The following SHISA6 variants were observed in gnomAD, a reference collection of about 807,000 sequenced individuals.
SHISA6 encodes shisa family member 6.
A neutral mutation model predicts 47.9 loss-of-function variants in SHISA6; 22 were observed. The ratio of observed to expected loss-of-function variants is 0.46; its 90% CI spans 0.33 to 0.66. The LOEUF (loss-of-function observed/expected upper bound fraction) is 0.66, where lower values mean the gene tolerates loss of function less well. Among genes scored for constraint, SHISA6 ranks in the 30% least tolerant of loss-of-function variants. SHISA6 has a pLI of 0.02. For synonymous variants in SHISA6, 388 were observed against 337.8 expected (o/e 1.15, Z -1.63); for missense variants, 680 against 764.6 (o/e 0.89, Z 1.30).
At chr17:11,495,250 G>A (rs1023743412) in intron 3 of SHISA6, among the ~76,000 whole-genome samples, 1 of 152,214 alleles carries the variant, frequency 6.6e-6, no homozygotes, top group Non-Finnish European at 1.5e-5. Flanking sequence ...CGTAGCTGCT[G>A]TGTGACTTTG....
chr17:11,322,819 G>A (rs1006332722), intron 2 of SHISA6, among the ~76,000 whole-genome samples: 14 of 152,168 alleles, frequency 9.2e-5, no homozygotes, highest in South Asian at 4.1e-4. Flanking sequence ...CAAAAGAAAT[G>A]TGGAACTACA....
intron 2 of SHISA6, among the ~76,000 whole-genome samples, chr17:11,330,785 A>G (rs1911076894): frequency 2.2e-5 from 3 of 134,412 alleles, no homozygotes; most frequent in Non-Finnish European, 4.8e-5. Flanking sequence ...AAATTATTGT[A>G]TAGTCAGATG....
chr17:11,342,946 G>T (rs1488835021), intron 2 of SHISA6, among the ~76,000 whole-genome samples: 1 of 152,182 alleles, frequency 6.6e-6, no homozygotes, highest in East Asian at 1.9e-4. Flanking sequence ...GGGACTTCTT[G>T]TTCAAGCCTC....
intron 2 of SHISA6, among the ~76,000 whole-genome samples, chr17:11,355,798 T>A (rs1912060808): frequency 6.6e-6 from 1 of 152,148 alleles, no homozygotes; most frequent in Non-Finnish European, 1.5e-5. Flanking sequence ...GTCTGATGAG[T>A]TAGACAGAAG....
intron 3 of SHISA6, among the ~76,000 whole-genome samples, chr17:11,443,146 C>A (rs1214278664): frequency 6.6e-6 from 1 of 152,180 alleles, no homozygotes; most frequent in Non-Finnish European, 1.5e-5. Flanking sequence ...GCCTGAGAAG[C>A]CTTGTCTTCA....
At chr17:11,383,054 C>T (rs1913074432) in intron 3 of SHISA6, among the ~76,000 whole-genome samples, 1 of 151,262 alleles carries the variant, frequency 6.6e-6, no homozygotes, top group Admixed American at 6.6e-5. Flanking sequence ...TCTTCTGCCT[C>T]AGCCTCCCAA....
At chr17:11,424,862 G>T (rs1462373402) in intron 3 of SHISA6, among the ~76,000 whole-genome samples, 1 of 151,846 alleles carries the variant, frequency 6.6e-6, no homozygotes, top group Non-Finnish European at 1.5e-5. Context: ...TATTAGCCGG[G>T]CATGGGCGTG....
chr17:11,247,439 C>A lies in SHISA6; in HGVS notation c.638+5379C>A, dbSNP rs539099246. Among the ~76,000 whole-genome samples, 24 of 152,286 alleles carry A rather than the reference C, an allele frequency of 1.6e-4. 1 individual carries two copies. In the South Asian group the frequency reaches 5.0e-3, roughly 32 times the overall value. ...TGCTCCTGGCTATGGGAGGTCACCA[C>A]CCTCCTTCCCTGCTGCCCTCTCCCC... On this transcript the variant is annotated intron_variant, in intron 1 of 5. Transcript: ENST00000441885.
rs1302468984 is a variant in SHISA6 at position 11,482,807 on chromosome 17, C to T, written c.896-69089C>T. ...AGTAAGATGCAATAAGTTTTTCCTC[C>T]TGTATGTAAATAAGTCATTAGGTAC... On this transcript the variant is annotated intron_variant, in intron 3 of 5. Coordinates refer to ENST00000441885, the MANE Select transcript of SHISA6 (RefSeq NM_207386.4). 2.0e-5 allele frequency among the ~76,000 whole-genome samples: 3 copies of T among 152,070 alleles called. No individual in the cohort carries two copies. In the East Asian group the frequency reaches 5.8e-4, roughly 29 times the overall value.
intron 1 of SHISA6, among the ~76,000 whole-genome samples, chr17:11,253,405 A>G (rs8069599): frequency 0.83 from 126,308 of 152,066 alleles, 53,845 homozygotes; most frequent in South Asian, 0.92. Flanking sequence ...GACATACACC[A>G]TGGAGAAGGT....
At chr17:11,368,897 C>T (rs575080687) in intron 2 of SHISA6, among the ~76,000 whole-genome samples, 27 of 152,278 alleles carry the variant, frequency 1.8e-4, no homozygotes, top group South Asian at 8.3e-4. Flanking sequence ...CTTCGTGATC[C>T]GCCCACCTCA....
intron 2 of SHISA6, among the ~76,000 whole-genome samples, chr17:11,376,653 C>G (rs573630115): frequency 6.6e-6 from 1 of 152,288 alleles, no homozygotes; most frequent in East Asian, 1.9e-4. Context: ...AGCCCTTCTT[C>G]TCTTCATGCC....
intron 3 of SHISA6, among the ~76,000 whole-genome samples, chr17:11,388,818 A>T (rs1392672911): frequency 5.9e-5 from 6 of 101,232 alleles, no homozygotes; most frequent in East Asian, 3.7e-4. Context: ...ATATATATAT[A>T]TATATATATA....
intron 3 of SHISA6, among the ~76,000 whole-genome samples, chr17:11,534,063 C>T (rs765107998): frequency 3.3e-5 from 5 of 151,178 alleles, no homozygotes; most frequent in Non-Finnish European, 7.4e-5. Context: ...CCACAACCTC[C>T]TCTCCCGGGT....
At chr17:11,332,999 G>A (rs1010657726) in intron 2 of SHISA6, among the ~76,000 whole-genome samples, 2 of 152,208 alleles carry the variant, frequency 1.3e-5, no homozygotes, top group Non-Finnish European at 1.5e-5. Context: ...CTGCAGAGCA[G>A]CGGGGGCCTC....
At chr17:11,500,733 C>T in intron 3 of SHISA6, among the ~76,000 whole-genome samples, 1 of 152,134 alleles carries the variant, frequency 6.6e-6, no homozygotes, top group Non-Finnish European at 1.5e-5. Context: ...TTGCATCAGC[C>T]ACATTTTGAG....
chr17:11,446,652 C>A (rs1379278393), intron 3 of SHISA6, among the ~76,000 whole-genome samples: 1 of 152,198 alleles, frequency 6.6e-6, no homozygotes, highest in Non-Finnish European at 1.5e-5. Context: ...ATGGTCTCCT[C>A]CTGCCATGTC....
intron 3 of SHISA6, among the ~76,000 whole-genome samples, chr17:11,530,887 C>T (rs151279661): frequency 1.3e-5 from 2 of 151,006 alleles, no homozygotes; most frequent in African/African-American, 4.8e-5. Context: ...TAACTTTCTT[C>T]ACCATGGATG....
Position 11,558,774 on chromosome 17 carries a change from G to T in SHISA6, c.*470G>T, listed in dbSNP as rs116990566. On this transcript the variant is annotated 3_prime_UTR_variant, in exon 6 of 6. Coordinates refer to ENST00000441885, the MANE Select transcript of SHISA6 (RefSeq NM_207386.4). The stretch of plus-strand genomic sequence containing the variant: ...CGGTCTCATTCATTCATCTAGAACC[G>T]CATCACAGAAATCTCCTAGTGCCTA... The T allele has an allele frequency of 9.9e-4, 178 of 179,044 alleles. 2 individuals are homozygous for T. Among genetic ancestry groups the T allele is most frequent in the Admixed American group, 2.9e-3 (52 of 18,226 alleles). The allele number at this position is 179,044 out of a possible 1,614,324, so 11.1% of individuals were successfully genotyped here.
Sources: gnomAD v4.1 joint callset for allele counts (sites outside exome capture counted in the v4.1 genomes callset) on GRCh38, gnomAD v4.1.1 for gene constraint, MANE v1.5 for transcripts, NCBI Gene and HGNC (gene_info 2026-07-23, HGNC 2026-07-21) for gene names.